The following PRKDC variants were observed in gnomAD, a reference collection of about 807,000 sequenced individuals.
PRKDC encodes the protein protein kinase, DNA-activated, catalytic subunit.
PRKDC carries 82 observed loss-of-function variants against 486.9 expected under a neutral mutation model. The ratio of observed to expected loss-of-function variants is 0.17; its 90% CI spans 0.14 to 0.20. PRKDC has a LOEUF of 0.20. PRKDC is among the 10% of genes least tolerant of loss of function. The pLI is 1.00. For missense variants in PRKDC, 4,504 were observed against 5,038.2 expected, an observed-to-expected ratio of 0.89 and a Z score of 3.21; for synonymous variants, 1,895 against 1,837.0, an observed-to-expected ratio of 1.03 and a Z score of -0.81.
intron 38 of PRKDC, 110 bp downstream of exon 38, chr8:47,881,306 A>C (rs1204940597): frequency 1.4e-6 from 1 of 695,718 alleles, no homozygotes; most frequent in African/African-American, 1.8e-5. Context: ...GTCTCCCTAC[A>C]TTTGAACACG....
In PRKDC at chr8:47,798,251, G is replaced by C. The variant is rs1360400641; in HGVS notation, c.10444C>G (p.Leu3482Val). 2 of 1,612,792 alleles carry C rather than the reference G, an allele frequency of 1.2e-6. No individual in the cohort carries two copies. The highest frequency in any genetic ancestry group is 1.7e-6 in the Non-Finnish European group (2 of 1,179,644). ...IERYPEETLS[L>V]MTKEISSVPC... ...AAGACACCAACCTCTTTTGTCATGA[G>C]GCTCAAAGTCTCCTCTGGATACCGT... is the stretch of plus-strand genomic sequence containing the variant. Residue 3482 changes from leucine to valine, a missense_variant, in exon 73 of 86, where the codon CTC becomes GTC. Physicochemically the swap from Leu to Val is conservative, Grantham distance 32. Coordinates refer to ENST00000314191, the MANE Select transcript of PRKDC (RefSeq NM_006904.7).
In PRKDC at chr8:47,862,052, T is replaced by C. The variant is rs2088690157; in HGVS notation, c.5985+10A>G. The C allele has an allele frequency of 1.3e-6, 2 of 1,538,218 alleles. No homozygotes were observed. Among genetic ancestry groups the C allele is most frequent in the Non-Finnish European group, 1.8e-6 (2 of 1,138,240 alleles). On this transcript the variant is annotated intron_variant, in intron 44 of 85. Coordinates refer to ENST00000314191, the MANE Select transcript of PRKDC (RefSeq NM_006904.7). ...GATAAGTTTTTTTTAACATTGAAAA[T>C]TTCACTCACCTCAACTTCTACAGGA...
In PRKDC at chr8:47,868,909, C is replaced by T. The variant is rs138104620; in HGVS notation, c.5364-4146G>A. On this transcript the variant is annotated intron_variant, in intron 40 of 85. Transcript: ENST00000314191. Reference sequence around the variant, plus strand: ...CGGGGCACTTTGCATTGGAACTCAGCGATGTCCTGTCACAGCAGAAACCAA... The same window carrying T: ...CGGGGCACTTTGCATTGGAACTCAGTGATGTCCTGTCACAGCAGAAACCAA... Among the ~76,000 whole-genome samples the T allele has an allele frequency of 4.0e-3, 606 of 152,218 alleles. 4 individuals are homozygous for T. Among genetic ancestry groups the T allele is most frequent in the South Asian group, 0.025 (121 of 4,820 alleles).
At chr8:47,925,029 G>A (rs1425406958) in intron 21 of PRKDC, among the ~76,000 whole-genome samples, 1 of 152,146 alleles carries the variant, frequency 6.6e-6, no homozygotes, top group Admixed American at 6.5e-5. Context: ...CAACACGTGG[G>A]TGCCTCATCT....
chr8:47,875,686 T>C (rs2089076843), intron 40 of PRKDC, among the ~76,000 whole-genome samples: 1 of 152,254 alleles, frequency 6.6e-6, no homozygotes, highest in African/African-American at 2.4e-5. Context: ...TTTAGAAATA[T>C]ATTATTTACA....
At chr8:47,956,713 A>C (rs1043238534) in intron 3 of PRKDC, among the ~76,000 whole-genome samples, 5 of 151,812 alleles carry the variant, frequency 3.3e-5, no homozygotes, top group Admixed American at 3.3e-4. Flanking sequence ...ACAAAATAAA[A>C]ACAAATAAAC....
chr8:47,952,263 C>T (rs1167158794), intron 7 of PRKDC, among the ~76,000 whole-genome samples: 1 of 152,070 alleles, frequency 6.6e-6, no homozygotes, highest in Non-Finnish European at 1.5e-5. Flanking sequence ...AGTAAATACA[C>T]ACAGGAATAT....
chr8:47,889,355 G>T, intron 32 of PRKDC, 133 bp from the exon 33 acceptor site: 1 of 708,798 alleles, frequency 1.4e-6, no homozygotes, highest in Non-Finnish European at 2.3e-6. Flanking sequence ...TAAAACGGGG[G>T]CACAGTAAAC....
chr8:47,879,715 G>T, intron 38 of PRKDC, 57 bp from the exon 39 acceptor site: 1 of 1,353,416 alleles, frequency 7.4e-7, no homozygotes, highest in Non-Finnish European at 9.7e-7. Context: ...ATATCCTACA[G>T]AATAAATAAA....
At chr8:47,869,001 T>A (rs527817364) in intron 40 of PRKDC, among the ~76,000 whole-genome samples, 1 of 152,140 alleles carries the variant, frequency 6.6e-6, no homozygotes, top group African/African-American at 2.4e-5. Flanking sequence ...AGAAGCAAAC[T>A]GTCCATCCCA....
chr8:47,888,956 C>A, intron 33 of PRKDC, 58 bp downstream of exon 33: 1 of 1,529,274 alleles, frequency 6.5e-7, no homozygotes, highest in Non-Finnish European at 9.0e-7. Context: ...AGCACGGCAA[C>A]ATACTAGGGC....
At chr8:47,877,226 T>C (rs1255715798) in intron 40 of PRKDC, among the ~76,000 whole-genome samples, 2 of 152,200 alleles carry the variant, frequency 1.3e-5, no homozygotes, top group Non-Finnish European at 2.9e-5. Context: ...GACATAACAG[T>C]GAAATGCCAT....
At chr8:47,875,724 T>C (rs1332060868) in intron 40 of PRKDC, among the ~76,000 whole-genome samples, 1 of 152,236 alleles carries the variant, frequency 6.6e-6, no homozygotes, top group African/African-American at 2.4e-5. Context: ...AAAATTTCCT[T>C]GTGTTGTTGA....
intron 59 of PRKDC, among the ~76,000 whole-genome samples, chr8:47,833,987 C>T (rs1416776986): frequency 6.6e-6 from 1 of 152,172 alleles, no homozygotes. Flanking sequence ...AACAATGGAT[C>T]GAGTATAACT....
chr8:47,956,864 A>C (rs1472383712), intron 3 of PRKDC, among the ~76,000 whole-genome samples: 1 of 151,398 alleles, frequency 6.6e-6, no homozygotes, highest in Non-Finnish European at 1.5e-5. Context: ...CTCCTCAGGA[A>C]AAAAAAGTAT....
chr8:47,925,719 G>C (rs1055122258), intron 21 of PRKDC, among the ~76,000 whole-genome samples: 34 of 151,986 alleles, frequency 2.2e-4, no homozygotes, highest in African/African-American at 8.2e-4. Context: ...TGACACCTTC[G>C]GCTTATTCAC....
At chr8:47,930,239 T>C (rs2090227354) in intron 17 of PRKDC, among the ~76,000 whole-genome samples, 1 of 152,246 alleles carries the variant, frequency 6.6e-6, no homozygotes, top group Non-Finnish European at 1.5e-5. Context: ...TAAAGATCTA[T>C]ATAATCGATT....
chr8:47,914,729 A>T (rs1442710214), intron 23 of PRKDC, among the ~76,000 whole-genome samples: 2 of 150,314 alleles, frequency 1.3e-5, no homozygotes, highest in African/African-American at 4.9e-5. Flanking sequence ...TGAACCTGGG[A>T]GGCGGAGGTT....
intron 23 of PRKDC, 71 bp from the exon 24 acceptor site, chr8:47,914,135 C>T: frequency 1.0e-5 from 13 of 1,254,038 alleles, no homozygotes; most frequent in Non-Finnish European, 1.3e-5. Context: ...ATTCACAAAT[C>T]AAAACATTTC....
Sources: gnomAD v4.1 joint callset for allele counts (sites outside exome capture counted in the v4.1 genomes callset) on GRCh38, gnomAD v4.1.1 for gene constraint, MANE v1.5 for transcripts, NCBI Gene and HGNC (gene_info 2026-07-23, HGNC 2026-07-21) for gene names.